Variants in PDLIM5 observed in about 807,000 individuals in gnomAD.
PDLIM5 encodes PDZ and LIM domain 5.
A neutral mutation model predicts 64.2 loss-of-function variants in PDLIM5; 34 were observed. The observed-to-expected ratio is 0.53, with a 90% CI of 0.40 to 0.71. PDLIM5 has a LOEUF of 0.71. Ranked by LOEUF, PDLIM5 falls within the 30% of genes least tolerant of loss-of-function variation. PDLIM5 has a pLI of 0.00. For synonymous variants in PDLIM5, 253 were observed against 269.1 expected (o/e 0.94, Z 0.59); for missense variants, 683 against 733.6 (o/e 0.93, Z 0.80).
At chr4:94,497,371 C>T (rs992890649) in intron 2 of PDLIM5, among the ~76,000 whole-genome samples, 3 of 152,070 alleles carry the variant, frequency 2.0e-5, no homozygotes, top group Admixed American at 6.6e-5. Context: ...GTAATGACTA[C>T]TTTTTATTTA....
rs957423999 is a variant in PDLIM5, at chr4:94,559,565, T to C, written c.249-13786T>C. On this transcript the variant is annotated intron_variant, in intron 3 of 12. Coordinates refer to ENST00000317968, the MANE Select transcript of PDLIM5 (RefSeq NM_006457.5). ...AACAGAAGATCAGTAAGATGCTAAA[T>C]TGAAATTTTATGTGACAGACGGCTG... Among the ~76,000 whole-genome samples the C allele has an allele frequency of 3.9e-5, 6 of 152,338 alleles. No individual in the cohort carries two copies. In the South Asian group the frequency reaches 1.0e-3, roughly 26 times the overall value.
intron 7 of PDLIM5, chr4:94,586,845 G>A (rs1357042735): frequency 2.8e-6 from 2 of 702,276 alleles, no homozygotes; most frequent in African/African-American, 1.9e-5. Context: ...TAAAATTTTT[G>A]CCACTTAATA....
chr4:94,663,240 C>G (rs891463568), intron 12 of PDLIM5, among the ~76,000 whole-genome samples: 4 of 152,140 alleles, frequency 2.6e-5, no homozygotes, highest in Non-Finnish European at 5.9e-5. Context: ...TAATATTAAT[C>G]GGTGCTTAAT....
chr4:94,517,737 A>T (rs1729485609), intron 2 of PDLIM5, among the ~76,000 whole-genome samples: 2 of 152,196 alleles, frequency 1.3e-5, no homozygotes, highest in African/African-American at 4.8e-5. Context: ...TGTGTTTCCA[A>T]GCATTCCATA....
intron 7 of PDLIM5, among the ~76,000 whole-genome samples, chr4:94,601,721 A>G (rs984160876): frequency 4.6e-5 from 7 of 152,198 alleles, no homozygotes; most frequent in Non-Finnish European, 7.3e-5. Flanking sequence ...GATGCCATCT[A>G]TGTAATAAAG....
chr4:94,660,735 C>T (rs1478690966), intron 11 of PDLIM5, among the ~76,000 whole-genome samples: 1 of 152,010 alleles, frequency 6.6e-6, no homozygotes, highest in Non-Finnish European at 1.5e-5. Context: ...TTGACAATTG[C>T]CAAGTAAGGT....
chr4:94,550,525 A>G (rs1732717159), intron 3 of PDLIM5, among the ~76,000 whole-genome samples: 1 of 152,214 alleles, frequency 6.6e-6, no homozygotes, highest in African/African-American at 2.4e-5. Flanking sequence ...ATTACTTCTC[A>G]GAATAACTTT....
chr4:94,459,242 T>C (rs1723655346), intron 2 of PDLIM5, among the ~76,000 whole-genome samples: 1 of 152,250 alleles, frequency 6.6e-6, no homozygotes, highest in South Asian at 2.1e-4. Context: ...TTTCTCATTA[T>C]GTTTGGGCTC....
At chr4:94,473,675 A>G (rs2126095952) in intron 2 of PDLIM5, among the ~76,000 whole-genome samples, 1 of 152,322 alleles carries the variant, frequency 6.6e-6, no homozygotes, top group Middle Eastern at 3.4e-3. Context: ...TTGTCAACAT[A>G]GTGGGTGTTT....
chr4:94,498,079 T>C (rs1727570424), intron 2 of PDLIM5, among the ~76,000 whole-genome samples: 1 of 152,178 alleles, frequency 6.6e-6, no homozygotes, highest in Non-Finnish European at 1.5e-5. Flanking sequence ...GTAATCCACA[T>C]GAGGATTGAC....
intron 5 of PDLIM5, among the ~76,000 whole-genome samples, chr4:94,581,615 T>C (rs1735736954): frequency 6.6e-6 from 1 of 152,126 alleles, no homozygotes; most frequent in Admixed American, 6.5e-5. Context: ...TTTTGACATG[T>C]GGAAATATAG....
chr4:94,578,966 T>G (rs1735511021), intron 5 of PDLIM5, among the ~76,000 whole-genome samples: 2 of 152,072 alleles, frequency 1.3e-5, no homozygotes, highest in Admixed American at 6.6e-5. Flanking sequence ...TTGATAGCTA[T>G]TCCACGCAAA....
chr4:94,463,529 T>C (rs1405386468), intron 2 of PDLIM5, among the ~76,000 whole-genome samples: 2 of 152,200 alleles, frequency 1.3e-5, no homozygotes, highest in East Asian at 3.8e-4. Flanking sequence ...TCTTGTCATC[T>C]TCACTTTGAG....
chr4:94,608,666 G>T (rs969244684), intron 7 of PDLIM5, among the ~76,000 whole-genome samples: 2 of 152,090 alleles, frequency 1.3e-5, no homozygotes, highest in Non-Finnish European at 2.9e-5. Flanking sequence ...TCCTGGAGAA[G>T]AAAAAATTAG....
intron 7 of PDLIM5, among the ~76,000 whole-genome samples, chr4:94,590,023 T>C (rs1736559780): frequency 6.6e-6 from 1 of 152,070 alleles, no homozygotes; most frequent in Non-Finnish European, 1.5e-5. Flanking sequence ...GTTATCCGCC[T>C]GTGCCTCGGC....
chr4:94,637,242 A>C (rs78757608), intron 8 of PDLIM5, among the ~76,000 whole-genome samples: 6,858 of 152,248 alleles, frequency 0.045, 290 homozygotes, highest in East Asian at 0.15. Flanking sequence ...AACAAAATCA[A>C]AGGGCTGTTG....
chr4:94,530,032 T>A (rs1730720451), intron 3 of PDLIM5, among the ~76,000 whole-genome samples: 1 of 152,188 alleles, frequency 6.6e-6, no homozygotes, highest in East Asian at 1.9e-4. Context: ...CTGGTTTCTA[T>A]GAAAAAGGTG....
chr4:94,664,130 T>C lies in PDLIM5; in HGVS notation c.*63T>C, dbSNP rs1426306439. The C allele has an allele frequency of 7.3e-7, 1 of 1,376,512 alleles. No individual in the cohort carries two copies. The highest frequency in any genetic ancestry group is 9.7e-7 in the Non-Finnish European group (1 of 1,026,076). The allele number at this position is 1,376,512 out of a possible 1,614,324, so 85.3% of individuals were successfully genotyped here. On this transcript the variant is annotated 3_prime_UTR_variant, in exon 13 of 13. Coordinates refer to ENST00000317968, the MANE Select transcript of PDLIM5 (RefSeq NM_006457.5). Reference sequence around the variant, plus strand: ...GAAAAAGGAAAATTAAAATTACTAATTAATTTTTAGATTCAATATTTATAT... The same window carrying C: ...GAAAAAGGAAAATTAAAATTACTAACTAATTTTTAGATTCAATATTTATAT...
At chr4:94,617,640 T>C (rs1738885131) in intron 7 of PDLIM5, among the ~76,000 whole-genome samples, 1 of 119,048 alleles carries the variant, frequency 8.4e-6, no homozygotes, top group South Asian at 2.8e-4. Context: ...GACCCCTGTG[T>C]CTACAAAAAA....
Sources: allele counts gnomAD v4.1 joint callset (sites outside exome capture counted in the v4.1 genomes callset), GRCh38; gene constraint gnomAD v4.1.1; transcripts MANE v1.5; gene names NCBI Gene and HGNC (gene_info 2026-07-23, HGNC 2026-07-21).